Variants in CNTNAP2 observed in about 807,000 individuals in gnomAD.
CNTNAP2 encodes the protein contactin associated protein 2.
CNTNAP2 carries 98 observed loss-of-function variants against 155.2 expected under a neutral mutation model. The observed-to-expected ratio is 0.63, with a 90% CI of 0.54 to 0.75. CNTNAP2 has a LOEUF of 0.75. Among genes scored for constraint, CNTNAP2 ranks in the 30% least tolerant of loss-of-function variants. The pLI is 0.00. For synonymous variants in CNTNAP2, 651 were observed against 631.2 expected (o/e 1.03, Z -0.47); for missense variants, 1,727 against 1,688.1 (o/e 1.02, Z -0.40).
At chr7:147,912,508 T>G (rs1488948999) in intron 14 of CNTNAP2, among the ~76,000 whole-genome samples, 2 of 152,090 alleles carry the variant, frequency 1.3e-5, no homozygotes, top group Non-Finnish European at 2.9e-5. Flanking sequence ...TCAACCTCAG[T>G]GCAGTGGAAA....
intron 11 of CNTNAP2, among the ~76,000 whole-genome samples, chr7:147,554,680 A>C (rs897725724): frequency 2.6e-5 from 4 of 152,166 alleles, no homozygotes; most frequent in African/African-American, 2.4e-5. Flanking sequence ...ATAACATCTC[A>C]TACAGAAATT....
At chr7:146,300,266 C>A (rs1800583822) in intron 1 of CNTNAP2, among the ~76,000 whole-genome samples, 1 of 152,048 alleles carries the variant, frequency 6.6e-6, no homozygotes, top group Non-Finnish European at 1.5e-5. Flanking sequence ...CACATTTAGT[C>A]CATAAATTAA....
At chr7:148,371,161 A>C (rs1003320037) in intron 21 of CNTNAP2, among the ~76,000 whole-genome samples, 3 of 152,134 alleles carry the variant, frequency 2.0e-5, no homozygotes, top group Non-Finnish European at 4.4e-5. Flanking sequence ...CAAATAATTA[A>C]CAAAAATACC....
At chr7:146,261,851 T>A (rs1799923823) in intron 1 of CNTNAP2, among the ~76,000 whole-genome samples, 1 of 152,246 alleles carries the variant, frequency 6.6e-6, no homozygotes, top group Non-Finnish European at 1.5e-5. Flanking sequence ...TCATAGAAGG[T>A]TTTGAATATT....
chr7:146,724,662 C>T (rs568984059), intron 1 of CNTNAP2, among the ~76,000 whole-genome samples: 8 of 149,274 alleles, frequency 5.4e-5, no homozygotes, highest in Admixed American at 1.3e-4. Context: ...CCTCCGACTC[C>T]GTGGTTCAAG....
intron 3 of CNTNAP2, among the ~76,000 whole-genome samples, chr7:146,936,249 G>A (rs1796911427): frequency 6.6e-6 from 1 of 152,154 alleles, no homozygotes; most frequent in African/African-American, 2.4e-5. Flanking sequence ...ACCAACAGAA[G>A]AAACTGTATA....
intron 8 of CNTNAP2, among the ~76,000 whole-genome samples, chr7:147,283,541 G>A (rs1489365722): frequency 6.6e-6 from 1 of 151,798 alleles, no homozygotes; most frequent in Non-Finnish European, 1.5e-5. Flanking sequence ...AGCTAATGTT[G>A]TCTTTAGATA....
chr7:147,870,792 T>C (rs1052334597), intron 13 of CNTNAP2, among the ~76,000 whole-genome samples: 2 of 152,078 alleles, frequency 1.3e-5, no homozygotes, highest in East Asian at 3.9e-4. Flanking sequence ...ATAAGGAGGA[T>C]GGGATCCTCT....
intron 3 of CNTNAP2, 102 bp from the exon 4 acceptor site, chr7:147,043,805 G>A: frequency 7.3e-7 from 1 of 1,362,166 alleles, no homozygotes; most frequent in South Asian, 1.2e-5. Flanking sequence ...GAAATCACAA[G>A]CCCTACCATT....
At chr7:146,168,612 T>A (rs2116814477) in intron 1 of CNTNAP2, among the ~76,000 whole-genome samples, 1 of 152,304 alleles carries the variant, frequency 6.6e-6, no homozygotes, top group Non-Finnish European at 1.5e-5. Context: ...TCTCTCCTGC[T>A]CACATTTACT....
intron 2 of CNTNAP2, among the ~76,000 whole-genome samples, chr7:146,829,897 T>C (rs1803477758): frequency 1.3e-5 from 2 of 152,220 alleles, no homozygotes; most frequent in Non-Finnish European, 2.9e-5. Context: ...GAATACCTTG[T>C]CCTATGTTTT....
chr7:148,297,036 C>T (rs538165909), intron 21 of CNTNAP2, among the ~76,000 whole-genome samples: 17 of 151,960 alleles, frequency 1.1e-4, no homozygotes, highest in Admixed American at 1.0e-3. Context: ...GCAGACAGTC[C>T]ATAGGAACAT....
At chr7:147,562,009 G>C in intron 11 of CNTNAP2, 129 bp from the exon 12 acceptor site, 2 of 1,219,060 alleles carry the variant, frequency 1.6e-6, no homozygotes, top group Non-Finnish European at 2.4e-6. Flanking sequence ...TAGAGACAAA[G>C]AACGCTCTTT....
At chr7:146,192,971 G>T (rs778654291) in intron 1 of CNTNAP2, among the ~76,000 whole-genome samples, 5 of 152,248 alleles carry the variant, frequency 3.3e-5, no homozygotes, top group South Asian at 4.1e-4. Flanking sequence ...GCTACATGCC[G>T]CATGTGAAGC....
At chr7:148,033,761 G>C (rs189061702) in intron 15 of CNTNAP2, among the ~76,000 whole-genome samples, 1 of 152,314 alleles carries the variant, frequency 6.6e-6, no homozygotes, top group Non-Finnish European at 1.5e-5. Context: ...GTATGTGCAA[G>C]TGTATGTGCA....
intron 17 of CNTNAP2, among the ~76,000 whole-genome samples, chr7:148,159,977 G>A (rs537800488): frequency 3.9e-4 from 60 of 152,142 alleles, no homozygotes; most frequent in Non-Finnish European, 6.0e-4. Context: ...GGTGGCTCAC[G>A]CCTGTAATCC....
At chr7:147,913,998 T>C (rs1800114569) in intron 14 of CNTNAP2, among the ~76,000 whole-genome samples, 1 of 151,872 alleles carries the variant, frequency 6.6e-6, no homozygotes, top group Non-Finnish European at 1.5e-5. Flanking sequence ...ATATGGCATG[T>C]ACCATCTTAA....
chr7:146,331,642 C>A (rs1037252822), intron 1 of CNTNAP2, among the ~76,000 whole-genome samples: 1 of 152,078 alleles, frequency 6.6e-6, no homozygotes, highest in Non-Finnish European at 1.5e-5. Context: ...AGCCAGTGTT[C>A]CAAGGAAACT....
intron 1 of CNTNAP2, among the ~76,000 whole-genome samples, chr7:146,443,455 A>G (rs934953938): frequency 2.0e-5 from 3 of 152,100 alleles, no homozygotes; most frequent in Non-Finnish European, 4.4e-5. Flanking sequence ...CTGTTTAGAA[A>G]TTTGGGGACT....
Sources: gnomAD v4.1 joint callset for allele counts (sites outside exome capture counted in the v4.1 genomes callset) on GRCh38, gnomAD v4.1.1 for gene constraint, MANE v1.5 for transcripts, NCBI Gene and HGNC (gene_info 2026-07-23, HGNC 2026-07-21) for gene names.